The following SRBD1 variants were observed in gnomAD, a reference collection of about 807,000 sequenced individuals.
The protein encoded by SRBD1 is S1 RNA-binding domain-containing protein 1.
Under a neutral mutation model 115.3 loss-of-function variants are expected in SRBD1, and 88 were observed. That is an observed-to-expected ratio of 0.76 (90% CI 0.64 to 0.91). The LOEUF (loss-of-function observed/expected upper bound fraction) is 0.91. SRBD1 is among the 40% of genes least tolerant of loss of function. The pLI, the probability that SRBD1 is intolerant of heterozygous loss-of-function variation, is 0.00. For synonymous variants in SRBD1, 509 were observed against 407.7 expected, an observed-to-expected ratio of 1.25 and a Z score of -2.99; for missense variants, 1,385 against 1,177.4, an observed-to-expected ratio of 1.18 and a Z score of -2.58.
At chr2:45,502,065 CG>C (rs1423096523) in intron 14 of SRBD1, among the ~76,000 whole-genome samples, 1 of 152,192 alleles carries the variant, frequency 6.6e-6, no homozygotes, top group Non-Finnish European at 1.5e-5. Flanking sequence ...ACACCTCACA[CG>C]GCCGGGTACC....
intron 14 of SRBD1, among the ~76,000 whole-genome samples, chr2:45,544,681 G>A (rs1672052675): frequency 6.6e-6 from 1 of 152,104 alleles, no homozygotes; most frequent in Non-Finnish European, 1.5e-5. Context: ...GCATCAAGGT[G>A]AAAATAAACT....
intron 14 of SRBD1, among the ~76,000 whole-genome samples, chr2:45,491,626 G>A (rs1367290517): frequency 1.3e-5 from 2 of 152,128 alleles, no homozygotes; most frequent in Non-Finnish European, 2.9e-5. Flanking sequence ...AGATCTAAAA[G>A]TTAATATGCC....
chr2:45,413,188 T>G lies in SRBD1; in HGVS notation c.2439A>C (p.Ala813=), dbSNP rs150586725. ...EKQGKKKSKT[A]VNVLLKPNPL... ...GATTTGGCTTCAGTAAAACATTCAC[T>G]GCAGTTTTGCTCTTCTTTTTGCCCT... Residue 813 remains alanine (A), a synonymous_variant, in exon 19 of 21, where the codon GCA becomes GCC. Coordinates refer to ENST00000263736, the MANE Select transcript of SRBD1 (RefSeq NM_018079.5). 6.2e-7 allele frequency: 1 copy of G among 1,614,156 alleles called. No homozygotes were observed. The highest frequency in any genetic ancestry group is 1.1e-5 in the South Asian group (1 of 91,084).
intron 16 of SRBD1, among the ~76,000 whole-genome samples, chr2:45,449,035 T>G (rs993657309): frequency 2.0e-5 from 3 of 152,238 alleles, no homozygotes; most frequent in Non-Finnish European, 2.9e-5. Context: ...TTTTCACATT[T>G]TATTAAAAAT....
intron 16 of SRBD1, among the ~76,000 whole-genome samples, chr2:45,450,456 G>A (rs1668959963): frequency 6.6e-6 from 1 of 152,056 alleles, no homozygotes; most frequent in African/African-American, 2.4e-5. Context: ...GTAGTAACAT[G>A]TTTCCAAAAA....
Position 45,581,718 on chromosome 2 carries a change from T to C in SRBD1, c.908A>G (p.Lys303Arg). 1 of 1,613,330 alleles carries C rather than the reference T, an allele frequency of 6.2e-7. No individual in the cohort carries two copies. Among genetic ancestry groups the C allele is most frequent in the Non-Finnish European group, 8.5e-7 (1 of 1,179,704 alleles). Reference protein sequence around the residue: ...ECLLKAMLNCKTFEELEHVSA... With the variant: ...ECLLKAMLNCRTFEELEHVSA... ...CACGTGTTCTAGTTCTTCAAAAGTT[T>C]TACAATTCAGCATGGCTTTTAACAA... Residue 303 changes from lysine (K) to arginine (R), a missense_variant, in exon 6 of 21, where the codon AAA (lysine) becomes AGA (arginine). By Grantham distance (26) the Lys-to-Arg change is conservative (BLOSUM62 2). Transcript: ENST00000263736.
At position 45,526,332 on chromosome 2, in the gene SRBD1, G is replaced by A. The variant is rs144911046; in HGVS notation, c.1874+20400C>T. 4.8e-4 allele frequency among the ~76,000 whole-genome samples: 73 copies of A among 152,034 alleles called. 1 individual carries two copies. The highest frequency in any genetic ancestry group is 1.3e-3 in the African/African-American group (56 of 41,518). On this transcript the variant is annotated intron_variant, in intron 14 of 20. Transcript: ENST00000263736. ...GAATGAACCTCGAAAACATGCTAAC[G>A]GAAAGAAGTGAATTACAAAACACCA... is the stretch of plus-strand genomic sequence containing the variant.
At chr2:45,471,386 G>T (rs1270756482) in intron 16 of SRBD1, among the ~76,000 whole-genome samples, 1 of 151,980 alleles carries the variant, frequency 6.6e-6, no homozygotes, top group Non-Finnish European at 1.5e-5. Context: ...AATCTTCCTT[G>T]AAAGCCTGTT....
At position 45,551,212 on chromosome 2, in the gene SRBD1, A is replaced by C; in HGVS notation, c.1588T>G (p.Leu530Val). ...MFGRNLRQLL[L>V]TSPVPGRTLM... ...GTGCGCCCTGGAACAGGGCTTGTTA[A>C]AAGGAGCTGACGAAGGTTCCGTCCA... is the stretch of plus-strand genomic sequence containing the variant. The change falls in exon 12 of 21, where the codon TTA becomes GTA. Residue 530 changes from leucine to valine, a missense_variant. Transcript: ENST00000263736. 1.2e-6 allele frequency: 2 copies of C among 1,613,176 alleles called. No individual in the cohort carries two copies. The highest frequency in any genetic ancestry group is 1.7e-6 in the Non-Finnish European group (2 of 1,179,830).
chr2:45,531,382 T>C (rs1453082277), intron 14 of SRBD1, among the ~76,000 whole-genome samples: 3 of 151,804 alleles, frequency 2.0e-5, no homozygotes, highest in Admixed American at 1.3e-4. Flanking sequence ...AAAAATACTA[T>C]TTACAAAAAA....
Position 45,599,789 on chromosome 2 carries a change from T to C in SRBD1, c.308A>G (p.Asn103Ser), listed in dbSNP as rs764687900. Reference sequence around the variant, plus strand: ...CAGAGTCTGTACAGTATCCAATTTATTTTTTCTGTCTTCTAAAGCAGTATC... The same window carrying C: ...CAGAGTCTGTACAGTATCCAATTTACTTTTTCTGTCTTCTAAAGCAGTATC... ...IADTALEDRK[N>S]KLDTVQTLKT... is the part of the protein sequence containing the mutation. The change falls in exon 4 of 21, where the codon AAT (asparagine) becomes AGT (serine). Residue 103 changes from asparagine to serine, a missense_variant. Physicochemically the swap from Asn to Ser is conservative, Grantham distance 46. Transcript: ENST00000263736. The C allele has an allele frequency of 6.2e-7, 1 of 1,613,994 alleles. No individual in the cohort carries two copies. Among genetic ancestry groups the C allele is most frequent in the Non-Finnish European group, 8.5e-7 (1 of 1,180,018 alleles).
intron 14 of SRBD1, among the ~76,000 whole-genome samples, chr2:45,496,054 T>C (rs893332434): frequency 4.6e-5 from 7 of 152,222 alleles, no homozygotes; most frequent in African/African-American, 1.7e-4. Context: ...GTTTATACTT[T>C]TCAAGTGCAC....
chr2:45,513,350 T>C (rs1671026888), intron 14 of SRBD1, among the ~76,000 whole-genome samples: 1 of 151,862 alleles, frequency 6.6e-6, no homozygotes, highest in Admixed American at 6.6e-5. Context: ...GTATGTAGTC[T>C]AGTAGTCTAG....
At chr2:45,580,614 C>T (rs1402256929) in intron 6 of SRBD1, among the ~76,000 whole-genome samples, 9 of 150,012 alleles carry the variant, frequency 6.0e-5, no homozygotes, top group African/African-American at 2.2e-4. Context: ...CCGCCTCGGC[C>T]TCCCAAAGTG....
chr2:45,449,307 T>C (rs1217166144), intron 16 of SRBD1, among the ~76,000 whole-genome samples: 1 of 152,164 alleles, frequency 6.6e-6, no homozygotes, highest in Non-Finnish European at 1.5e-5. Flanking sequence ...CAGTTTACAC[T>C]CCCTCAGAAG....
chr2:45,431,457 G>A (rs934906956), intron 16 of SRBD1, among the ~76,000 whole-genome samples: 8 of 152,158 alleles, frequency 5.3e-5, no homozygotes, highest in Non-Finnish European at 7.3e-5. Flanking sequence ...CCATAAAAAA[G>A]AATGAGTTCA....
chr2:45,575,214 T>C (rs1673140776), intron 7 of SRBD1, among the ~76,000 whole-genome samples: 1 of 152,210 alleles, frequency 6.6e-6, no homozygotes, highest in African/African-American at 2.4e-5. Context: ...TTATGGGGCA[T>C]TTTTTCACAT....
rs527522779 is a variant in SRBD1 at position 45,534,951 on chromosome 2, C to T, written c.1874+11781G>A. On this transcript the variant is annotated intron_variant, in intron 14 of 20. Coordinates refer to ENST00000263736, the MANE Select transcript of SRBD1 (RefSeq NM_018079.5). ...AGTAAAAAGAAACCCGAGAAATCAT[C>T]CAAAAATCTCTACCAAAAATTCCCC... Among the ~76,000 whole-genome samples the T allele has an allele frequency of 1.1e-4, 17 of 151,956 alleles. No individual in the cohort carries two copies. In the South Asian group the frequency reaches 3.5e-3, roughly 31 times the overall value.
intron 16 of SRBD1, among the ~76,000 whole-genome samples, chr2:45,440,122 GT>G (rs1290160690): frequency 1.3e-5 from 2 of 152,128 alleles, no homozygotes; most frequent in African/African-American, 2.4e-5. Flanking sequence ...TTAGCTGCTT[GT>G]TTGGTTCTCA....
Sources: gnomAD v4.1 joint callset for allele counts (sites outside exome capture counted in the v4.1 genomes callset) on GRCh38, gnomAD v4.1.1 for gene constraint, MANE v1.5 for transcripts, NCBI Gene and HGNC (gene_info 2026-07-23, HGNC 2026-07-21) for gene names.